Variants in EPB42 observed in about 807,000 individuals in gnomAD.
EPB42 encodes the protein erythrocyte membrane protein band 4.2, also known as protein 4.2.
A neutral mutation model predicts 76.9 loss-of-function variants in EPB42; 49 were observed. The ratio of observed to expected loss-of-function variants is 0.64; its 90% CI spans 0.51 to 0.81. The LOEUF is 0.81. Among genes scored for constraint, EPB42 ranks in the 30% least tolerant of loss-of-function variants. The probability of loss-of-function intolerance (pLI) is 0.00; values close to 1 mark genes in which losing one functional copy is unlikely to be tolerated. For synonymous variants in EPB42, 310 were observed against 338.4 expected (o/e 0.92, Z 0.92); for missense variants, 731 against 867.6 (o/e 0.84, Z 1.98).
At chr15:43,211,103 T>C (rs780677868) in intron 4 of EPB42, among the ~76,000 whole-genome samples, 1 of 151,960 alleles carries the variant, frequency 6.6e-6, no homozygotes, top group Non-Finnish European at 1.5e-5. Flanking sequence ...GGGCGGTTCA[T>C]GGGGAAAGGA....
intron 3 of EPB42, among the ~76,000 whole-genome samples, chr15:43,213,537 A>G (rs1374249630): frequency 6.6e-6 from 1 of 152,120 alleles, no homozygotes; most frequent in Non-Finnish European, 1.5e-5. Flanking sequence ...TGGAGTCAAG[A>G]GTGTGGGCAC....
At position 43,197,281 on chromosome 15, in the gene EPB42, A is replaced by G. The variant is rs201342599; in HGVS notation, c.*21T>C. 6.2e-7 allele frequency: 1 copy of G among 1,613,918 alleles called. No individual in the cohort carries two copies. Among genetic ancestry groups the G allele is most frequent in the African/African-American group, 1.3e-5 (1 of 74,880 alleles). Reference sequence around the variant, plus strand: ...ATTGTAGAACAAGGGTTGGCAGGAGAGTGGTGATAGAGCTGGAAGTTTAAG... The same window carrying G: ...ATTGTAGAACAAGGGTTGGCAGGAGGGTGGTGATAGAGCTGGAAGTTTAAG... On this transcript the variant is annotated 3_prime_UTR_variant, in exon 13 of 13. Coordinates refer to ENST00000441366, the MANE Select transcript of EPB42 (RefSeq NM_001114134.2).
chr15:43,199,411 A>G (rs2042095201), intron 12 of EPB42, among the ~76,000 whole-genome samples: 1 of 152,160 alleles, frequency 6.6e-6, no homozygotes, highest in South Asian at 2.1e-4. Flanking sequence ...TTGGACTTGC[A>G]TGGGCCCTGT....
At chr15:43,209,674 C>T (rs1343784880) in intron 5 of EPB42, 1 of 525,386 alleles carries the variant, frequency 1.9e-6, no homozygotes, top group Admixed American at 3.5e-5. Flanking sequence ...TTAACAAGTT[C>T]TCTGGCTCCA....
intron 12 of EPB42, among the ~76,000 whole-genome samples, chr15:43,200,361 G>C (rs1239269679): frequency 6.6e-6 from 1 of 152,108 alleles, no homozygotes; most frequent in Non-Finnish European, 1.5e-5. Flanking sequence ...TAAGTATCTT[G>C]AACTTTATAC....
intron 3 of EPB42, among the ~76,000 whole-genome samples, chr15:43,212,369 C>CA (rs35031544): frequency 5.2e-4 from 45 of 86,828 alleles, no homozygotes; most frequent in East Asian, 2.4e-3. Flanking sequence ...AACTCCGTCT[C>CA]AAAAAAAAAA....
chr15:43,208,803 G>A (rs746121641), intron 6 of EPB42, 28 bp from the exon 7 acceptor site: 8 of 1,611,224 alleles, frequency 5.0e-6, no homozygotes, highest in South Asian at 2.2e-5. Flanking sequence ...GAGTGTCAGG[G>A]GGCGCTTGAG....
chr15:43,207,257 G>T lies in EPB42; in HGVS notation c.1260C>A (p.Thr420=), dbSNP rs751361681. ...NTKYVGNNIS[T]KGVGSDRCED... ...CGCAGCGGTCACTGCCCACACCCTTGGTGCTGATGTTGTTGCCAACATACT... is the reference window on the plus strand; with the variant it reads ...CGCAGCGGTCACTGCCCACACCCTTTGTGCTGATGTTGTTGCCAACATACT... Residue 420 remains threonine (T), a synonymous_variant, in exon 9 of 13, where the codon ACC becomes ACA. Coordinates refer to ENST00000441366, the MANE Select transcript of EPB42 (RefSeq NM_001114134.2). 1 of 1,614,066 alleles carries T rather than the reference G, an allele frequency of 6.2e-7. No individual in the cohort carries two copies. Among genetic ancestry groups the T allele is most frequent in the South Asian group, 1.1e-5 (1 of 91,080 alleles).
rs1351085174 is a variant in EPB42, at chr15:43,206,433, C to T, written c.1515G>A (p.Lys505=). Residue 505 remains lysine (K), a synonymous_variant, in exon 10 of 13, where the codon AAG becomes AAA. Coordinates refer to ENST00000441366, the MANE Select transcript of EPB42 (RefSeq NM_001114134.2). This position sits in a 1 kb window ranked among gnomAD's most constrained non-coding sequence, Gnocchi z 4.7. The part of the protein sequence containing the change: ...VTLVNHSEQE[K]AVQLAIGVQA... ...GGACCCCAATTGCCAGCTGCACTGC[C>T]TTCTCCTGCTCACTGTGATTAACCA... The T allele has an allele frequency of 3.7e-6, 6 of 1,614,202 alleles. No homozygotes were observed. In the South Asian group the frequency reaches 4.4e-5, roughly 12 times the overall value.
intron 1 of EPB42, 94 bp downstream of exon 1, chr15:43,220,722 C>T: frequency 6.2e-7 from 1 of 1,611,452 alleles, no homozygotes; most frequent in Middle Eastern, 1.7e-4. Flanking sequence ...ATCTCCCCGC[C>T]TACCATCCAT....
At chr15:43,210,214 C>T (rs1447339453) in intron 5 of EPB42, 121 bp downstream of exon 5, 2 of 871,182 alleles carry the variant, frequency 2.3e-6, no homozygotes, top group Non-Finnish European at 1.9e-6. Flanking sequence ...TGTCCCCACA[C>T]CCTGGGAGGA....
intron 4 of EPB42, 21 bp downstream of exon 4, chr15:43,211,395 T>A (rs1336413493): frequency 2.8e-6 from 4 of 1,446,662 alleles, no homozygotes; most frequent in Non-Finnish European, 3.9e-6. Flanking sequence ...TACACACTCC[T>A]CCCCTAGAGG....
intron 12 of EPB42, among the ~76,000 whole-genome samples, 180 bp from the exon 13 acceptor site, chr15:43,197,644 G>A (rs917336510): frequency 6.6e-6 from 1 of 152,218 alleles, no homozygotes; most frequent in Non-Finnish European, 1.5e-5. Flanking sequence ...ACCCAATGCT[G>A]AGCAACTGCA....
upstream of EPB42, among the ~76,000 whole-genome samples, chr15:43,222,311 A>G (rs2042469804): frequency 6.6e-6 from 1 of 152,218 alleles, no homozygotes; most frequent in Non-Finnish European, 1.5e-5. Context: ...CCTGCAATCA[A>G]TAACAAGTCA....
intron 11 of EPB42, among the ~76,000 whole-genome samples, chr15:43,202,540 G>T (rs866986630): frequency 1.3e-5 from 2 of 152,158 alleles, no homozygotes; most frequent in Non-Finnish European, 2.9e-5. Context: ...TTATTCCATA[G>T]CAACTTTGTG....
chr15:43,207,202 C>T lies in EPB42; in HGVS notation c.1315G>A (p.Glu439Lys), dbSNP rs1371405183. The T allele has an allele frequency of 4.3e-6, 7 of 1,614,060 alleles. No homozygotes were observed. Among genetic ancestry groups the T allele is most frequent in the Non-Finnish European group, 5.9e-6 (7 of 1,180,046 alleles). ...GGGGCCCTTCCCTGGCCCGTACCTT[C>T]AGGATACTTGTAGTTCTGAGTGATG... Reference protein sequence around the residue: ...EDITQNYKYPEGSLQEKEVLE... With the variant: ...EDITQNYKYPKGSLQEKEVLE... Residue 439 changes from glutamate to lysine, a missense_variant, in exon 9 of 13, where the codon GAA becomes AAA. Transcript: ENST00000441366.
rs537270847 is a variant in EPB42 at position 43,211,606 on chromosome 15, C to T, written c.431-72G>A. 75 of 1,028,694 alleles carry T rather than the reference C, an allele frequency of 7.3e-5. No individual in the cohort carries two copies. In the African/African-American group the frequency reaches 1.0e-3, roughly 14 times the overall value. 63.7% of individuals were successfully genotyped at this position (1,028,694 alleles called of 1,614,324 possible). The stretch of plus-strand genomic sequence containing the variant: ...CACCCTCCACATCCAGGCCTCTGTC[C>T]TCCCTGCCGAGATTAGGTTTGGCTG... On this transcript the variant is annotated intron_variant, in intron 3 of 12. Transcript: ENST00000441366.
chr15:43,209,547 T>A, intron 5 of EPB42, 96 bp from the exon 6 acceptor site: 1 of 1,359,780 alleles, frequency 7.4e-7, no homozygotes, highest in African/African-American at 1.4e-5. Context: ...ACTCCAACCA[T>A]GGTGAACAGA....
Position 43,210,430 on chromosome 15 carries a change from C to T in EPB42, c.559G>A (p.Asp187Asn). ...ESWDFGQFEG[D>N]VIDLSLRLLS... ...AAGCGCAGGCTGAGGTCAATGACAT[C>T]CCCCTCGAACTGTTAAGGATCACAC... Residue 187 changes from aspartate (D) to asparagine (N), a missense_variant, in exon 5 of 13, where the codon GAT (aspartate) becomes AAT (asparagine). Transcript: ENST00000441366. 1.9e-6 allele frequency: 3 copies of T among 1,613,528 alleles called. No homozygotes were observed. Among genetic ancestry groups the T allele is most frequent in the South Asian group, 2.2e-5 (2 of 91,068 alleles).
Sources: allele counts gnomAD v4.1 joint callset (sites outside exome capture counted in the v4.1 genomes callset), GRCh38; gene constraint gnomAD v4.1.1; non-coding constraint Gnocchi (gnomAD v3.1); transcripts MANE v1.5; gene names NCBI Gene and HGNC (gene_info 2026-07-23, HGNC 2026-07-21).